RAB3GAP2: variants seen among roughly 807,000 people sequenced by gnomAD.
RAB3GAP2 encodes the protein rab3 GTPase-activating protein non-catalytic subunit.
In RAB3GAP2, 87 loss-of-function variants were observed where a neutral mutation model predicts 185.3. The observed-to-expected ratio is 0.47, with a 90% CI of 0.39 to 0.56. RAB3GAP2 has a LOEUF of 0.56. RAB3GAP2 is among the 20% of genes least tolerant of loss of function. The pLI, the probability that RAB3GAP2 is intolerant of heterozygous loss-of-function variation, is 0.00. For missense variants in RAB3GAP2, 1,492 were observed against 1,638.2 expected (o/e 0.91, Z 1.54); for synonymous variants, 554 against 576.1 (o/e 0.96, Z 0.55).
At chr1:220,214,467 A>G (rs900169128) in intron 2 of RAB3GAP2, among the ~76,000 whole-genome samples, 6 of 152,044 alleles carry the variant, frequency 3.9e-5, no homozygotes, top group African/African-American at 1.2e-4. Flanking sequence ...TAGAGGTTAC[A>G]GTGAGCTGAG....
At chr1:220,241,946 T>C (rs1028780573) in intron 1 of RAB3GAP2, among the ~76,000 whole-genome samples, 1 of 152,012 alleles carries the variant, frequency 6.6e-6, no homozygotes, top group Admixed American at 6.6e-5. Flanking sequence ...GAAATGTAGG[T>C]AAAGGTATGC....
rs199915657 is a variant in RAB3GAP2 at position 220,272,289 on chromosome 1, C to G, written c.49G>C (p.Ala17Pro). ...QFCYFQDLQA[A>P]RDFLFPHLRE... Reference sequence around the variant, plus strand: ...AGGTGAGGAAAGAGGAAGTCCCGGGCGGCCTGGAGGTCCTGGAAGTAGCAG... The same window carrying G: ...AGGTGAGGAAAGAGGAAGTCCCGGGGGGCCTGGAGGTCCTGGAAGTAGCAG... Residue 17 changes from alanine to proline, a missense_variant, in exon 1 of 35, where the codon GCC (alanine) becomes CCC (proline). Around this residue, in one of 5 missense-constraint regions of RAB3GAP2, gnomAD observed 177 missense variants for 160.6 expected, o/e 1.10. Coordinates refer to ENST00000358951, the MANE Select transcript of RAB3GAP2 (RefSeq NM_012414.4). The G allele has an allele frequency of 6.2e-7, 1 of 1,612,444 alleles. No homozygotes were observed. The highest frequency in any genetic ancestry group is 1.1e-5 in the South Asian group (1 of 90,316).
intron 17 of RAB3GAP2, among the ~76,000 whole-genome samples, chr1:220,186,756 A>G (rs1658514699): frequency 1.3e-5 from 2 of 152,208 alleles, no homozygotes; most frequent in Admixed American, 6.5e-5. Context: ...ATGATTCAGA[A>G]GTACCATTAA....
intron 1 of RAB3GAP2, among the ~76,000 whole-genome samples, chr1:220,262,133 CAAA>C (rs554304525): frequency 1.4e-3 from 160 of 112,324 alleles, no homozygotes; most frequent in East Asian, 0.01. Flanking sequence ...ACTAAAAATA[CAAA>C]AAAAAAAAAA....
intron 21 of RAB3GAP2, among the ~76,000 whole-genome samples, chr1:220,177,023 A>G (rs931853062): frequency 1.3e-5 from 2 of 152,238 alleles, no homozygotes; most frequent in African/African-American, 4.8e-5. Context: ...AAAGAGGTCC[A>G]GTCTCACTTC....
chr1:220,199,852 T>C (rs1330692006), intron 9 of RAB3GAP2, among the ~76,000 whole-genome samples: 1 of 152,096 alleles, frequency 6.6e-6, no homozygotes, highest in Non-Finnish European at 1.5e-5. Context: ...TCCTTCCAAC[T>C]CCACTGCCTC....
At chr1:220,268,962 C>T (rs1660283602) in intron 1 of RAB3GAP2, among the ~76,000 whole-genome samples, 1 of 152,160 alleles carries the variant, frequency 6.6e-6, no homozygotes, top group Non-Finnish European at 1.5e-5. Flanking sequence ...AAATTCAGTT[C>T]CTCAGTTGCA....
At chr1:220,221,147 A>C (rs1659298374) in intron 2 of RAB3GAP2, among the ~76,000 whole-genome samples, 1 of 152,224 alleles carries the variant, frequency 6.6e-6, no homozygotes, top group African/African-American at 2.4e-5. Context: ...TTTTCTTAGA[A>C]TAGAAAATTA....
At position 220,181,892 on chromosome 1, in the gene RAB3GAP2, T is replaced by TA. The variant is rs551774811; in HGVS notation, c.2310+364dup. ...AGCGAGACCCCCATCTCCACAAAAG[T>TA]AAAAAAAAAAATTGCCCAGTAGTCT... On this transcript the variant is annotated intron_variant, in intron 21 of 34. Coordinates refer to ENST00000358951, the MANE Select transcript of RAB3GAP2 (RefSeq NM_012414.4). Among the ~76,000 whole-genome samples the TA allele has an allele frequency of 3.0e-3, 438 of 143,900 alleles. 1 individual carries two copies. Among genetic ancestry groups the TA allele is most frequent in the African/African-American group, 0.01 (395 of 39,378 alleles). 94.4% of individuals were successfully genotyped at this position (143,900 alleles called of 152,430 possible).
chr1:220,210,512 G>A lies in RAB3GAP2; in HGVS notation c.511-23C>T, dbSNP rs375584289. 9.5e-5 allele frequency: 149 copies of A among 1,566,730 alleles called. No individual in the cohort carries two copies. In the African/African-American group the frequency reaches 1.7e-3, roughly 18 times the overall value. ...ATTCTAGGAGGAAGCACAGAGAAGG[G>A]CCCTGCTTGTTTTCTTACCAATATA... On this transcript the variant is annotated intron_variant, in intron 6 of 34. Coordinates refer to ENST00000358951, the MANE Select transcript of RAB3GAP2 (RefSeq NM_012414.4).
chr1:220,215,878 T>TA (rs1165842959), intron 2 of RAB3GAP2, among the ~76,000 whole-genome samples: 1 of 152,070 alleles, frequency 6.6e-6, no homozygotes, highest in Non-Finnish European at 1.5e-5. Flanking sequence ...TTTCCTTTTA[T>TA]AAAAAAATTA....
At chr1:220,226,242 C>T (rs538174469) in intron 2 of RAB3GAP2, among the ~76,000 whole-genome samples, 16 of 152,116 alleles carry the variant, frequency 1.1e-4, no homozygotes, top group Non-Finnish European at 2.4e-4. Flanking sequence ...TACCATTGGC[C>T]TTAATACACC....
intron 8 of RAB3GAP2, 64 bp from the exon 9 acceptor site, chr1:220,202,438 C>G: frequency 6.7e-7 from 1 of 1,482,980 alleles, no homozygotes; most frequent in Non-Finnish European, 9.4e-7. Context: ...TACAAAAAAA[C>G]ATTAAAACCA....
At position 220,171,967 on chromosome 1, in the gene RAB3GAP2, G is replaced by T. The variant is rs1487694249; in HGVS notation, c.2499C>A (p.Asn833Lys). The stretch of plus-strand genomic sequence containing the variant: ...GCGCAGACAACAGAGCGGCTCCATT[G>T]TTCTCAGACTGAATACAGGCTGTGC... ...QMRTACIQSE[N>K]NGAALLSAHV... is the part of the protein sequence containing the mutation. The change falls in exon 23 of 35, where the codon AAC (asparagine) becomes AAA (lysine). Residue 833 changes from asparagine (N) to lysine (K), a missense_variant. By Grantham distance (94) the Asn-to-Lys change is moderately conservative. Around this residue, in one of 5 missense-constraint regions of RAB3GAP2, gnomAD observed 681 missense variants for 689.1 expected, o/e 0.99. Coordinates refer to ENST00000358951, the MANE Select transcript of RAB3GAP2 (RefSeq NM_012414.4). The T allele has an allele frequency of 8.1e-6, 13 of 1,614,196 alleles. No homozygotes were observed. The highest frequency in any genetic ancestry group is 1.1e-5 in the Non-Finnish European group (13 of 1,180,044).
intron 2 of RAB3GAP2, among the ~76,000 whole-genome samples, chr1:220,219,214 C>A (rs951189121): frequency 6.6e-6 from 1 of 152,168 alleles, no homozygotes; most frequent in African/African-American, 2.4e-5. Context: ...GATCCTAGAA[C>A]TGCTTGTCTG....
chr1:220,193,469 G>T, intron 12 of RAB3GAP2, 90 bp from the exon 13 acceptor site: 1 of 1,272,502 alleles, frequency 7.9e-7, no homozygotes, highest in Non-Finnish European at 1.1e-6. Context: ...GAAATAGGCT[G>T]AATCTGTTTT....
chr1:220,266,045 T>C (rs1305284382), intron 1 of RAB3GAP2: 1 of 152,470 alleles, frequency 6.6e-6, no homozygotes, highest in African/African-American at 2.4e-5. Flanking sequence ...AATGTAAACA[T>C]TGGGAAAGGG....
chr1:220,254,097 C>T, intron 1 of RAB3GAP2: 1 of 1,613,850 alleles, frequency 6.2e-7, no homozygotes, highest in Non-Finnish European at 8.5e-7. Flanking sequence ...ACTTAATTAC[C>T]AGGCAAAAAC....
intron 27 of RAB3GAP2, among the ~76,000 whole-genome samples, chr1:220,164,035 A>G (rs185740221): frequency 4.3e-4 from 65 of 152,194 alleles, no homozygotes; most frequent in African/African-American, 1.3e-3. Context: ...AATGAAACCC[A>G]TCTATCTATT....
Sources: allele counts gnomAD v4.1 joint callset (sites outside exome capture counted in the v4.1 genomes callset), GRCh38; gene constraint gnomAD v4.1.1; regional missense constraint gnomAD v4.1.1; transcripts MANE v1.5; gene names NCBI Gene and HGNC (gene_info 2026-07-23, HGNC 2026-07-21).